The following SOX6 variants were observed in gnomAD, a reference collection of about 807,000 sequenced individuals.
SOX6 encodes the protein SRY-box transcription factor 6.
SOX6 carries 11 observed loss-of-function variants against 97.8 expected under a neutral mutation model. That is an observed-to-expected ratio of 0.11 (90% CI 0.07 to 0.19). The LOEUF (loss-of-function observed/expected upper bound fraction) is 0.19, where lower values mean the gene tolerates loss of function less well. Among genes scored for constraint, SOX6 ranks in the 10% least tolerant of loss-of-function variants. The pLI is 1.00. For synonymous variants in SOX6, 360 were observed against 371.4 expected, an observed-to-expected ratio of 0.97 and a Z score of 0.35; for missense variants, 810 against 1,039.5, an observed-to-expected ratio of 0.78 and a Z score of 3.04.
chr11:16,380,650 G>T (rs566238214), intron 1 of SOX6, among the ~76,000 whole-genome samples: 1 of 151,960 alleles, frequency 6.6e-6, no homozygotes, highest in African/African-American at 2.4e-5. Flanking sequence ...ACTTATTGGT[G>T]TATTCTATCC....
At chr11:16,153,486 G>C (rs1850513601) in intron 6 of SOX6, among the ~76,000 whole-genome samples, 1 of 152,074 alleles carries the variant, frequency 6.6e-6, no homozygotes, top group Non-Finnish European at 1.5e-5. Flanking sequence ...CCTCTGATAG[G>C]ACTGGTTAGA....
intron 3 of SOX6, among the ~76,000 whole-genome samples, chr11:16,666,378 A>C (rs1847807013): frequency 6.6e-6 from 1 of 152,252 alleles, no homozygotes; most frequent in Admixed American, 6.5e-5. Flanking sequence ...GATTGAAATA[A>C]TTTAAAAGAA....
chr11:16,721,886 A>C (rs973895712), intron 2 of SOX6, among the ~76,000 whole-genome samples: 3 of 151,952 alleles, frequency 2.0e-5, no homozygotes, highest in African/African-American at 7.3e-5. Flanking sequence ...ATAAGGCTGC[A>C]CATCTACAAC....
intron 12 of SOX6, among the ~76,000 whole-genome samples, chr11:16,027,778 G>A (rs1427767979): frequency 1.3e-5 from 2 of 152,196 alleles, no homozygotes; most frequent in Non-Finnish European, 1.5e-5. Context: ...GTGGGAACAC[G>A]TACATGCTCA....
chr11:16,547,109 AT>A (rs768313757), intron 4 of SOX6, among the ~76,000 whole-genome samples: 13 of 152,306 alleles, frequency 8.5e-5, no homozygotes, highest in South Asian at 4.1e-4. Flanking sequence ...AAGACAAAAA[AT>A]AACAGATGAT....
At chr11:16,257,032 T>C (rs1853713075) in intron 3 of SOX6, among the ~76,000 whole-genome samples, 1 of 151,816 alleles carries the variant, frequency 6.6e-6, no homozygotes, top group African/African-American at 2.4e-5. Context: ...TGAAGAAAAC[T>C]ATAAAATCCT....
chr11:16,185,584 C>T (rs1394038122), intron 5 of SOX6, among the ~76,000 whole-genome samples: 2 of 152,108 alleles, frequency 1.3e-5, no homozygotes, highest in African/African-American at 2.4e-5. Flanking sequence ...GCTACATGCT[C>T]GCTTCATTGA....
At chr11:16,381,775 C>T (rs916941248) in intron 1 of SOX6, among the ~76,000 whole-genome samples, 11 of 151,818 alleles carry the variant, frequency 7.2e-5, no homozygotes, top group Admixed American at 5.3e-4. Context: ...CTTCTTATTC[C>T]CCCACTCCCT....
intron 10 of SOX6, among the ~76,000 whole-genome samples, chr11:16,053,353 A>C (rs967707686): frequency 3.9e-5 from 6 of 152,122 alleles, no homozygotes; most frequent in African/African-American, 1.4e-4. Context: ...CATAGTTGAC[A>C]ATGGAAATCC....
In SOX6 at chr11:16,605,331, C is replaced by G. The variant is rs1441509360; in HGVS notation, n.609+6750G>C. On this transcript the variant is annotated intron_variant and non_coding_transcript_variant, in intron 4 of 5. Transcript: ENST00000524520. This position sits in a 1 kb window ranked among gnomAD's most constrained non-coding sequence, Gnocchi z 5.3. ...GCGGGGCTGAACTACCCCTCGCCCC[C>G]GCTCCCGCCAGGTCAGGCACCACTG... is the stretch of plus-strand genomic sequence containing the variant. Among the ~76,000 whole-genome samples, 3 of 152,296 alleles carry G rather than the reference C, an allele frequency of 2.0e-5. No homozygotes were observed. The highest frequency in any genetic ancestry group is 6.5e-5 in the Admixed American group (1 of 15,312).
At chr11:16,158,631 G>A (rs1850663738) in intron 6 of SOX6, among the ~76,000 whole-genome samples, 2 of 151,900 alleles carry the variant, frequency 1.3e-5, no homozygotes, top group South Asian at 4.1e-4. Flanking sequence ...GCTTCCAGGA[G>A]TAATAAAAAA....
chr11:16,560,544 T>TACATATGTTTATACGTAC (rs1565180658), intron 4 of SOX6, among the ~76,000 whole-genome samples: 78 of 85,490 alleles, frequency 9.1e-4, no homozygotes, highest in Admixed American at 3.9e-3. Flanking sequence ...TGTTTATACG[T>TACATATGTTTATACGTAC]ACATATGTTT....
At chr11:16,464,158 C>T (rs1441898198) in intron 1 of SOX6, among the ~76,000 whole-genome samples, 1 of 152,150 alleles carries the variant, frequency 6.6e-6, no homozygotes, top group Non-Finnish European at 1.5e-5. Context: ...TAAAATTTCA[C>T]AAATCCCAAT....
intron 6 of SOX6, among the ~76,000 whole-genome samples, chr11:16,127,776 G>A (rs1226404497): frequency 1.3e-5 from 2 of 152,018 alleles, no homozygotes; most frequent in Non-Finnish European, 2.9e-5. Context: ...GAATCCATGG[G>A]GTCTCCCTCA....
chr11:16,360,822 T>C (rs1402138620), upstream of SOX6, among the ~76,000 whole-genome samples: 1 of 151,900 alleles, frequency 6.6e-6, no homozygotes, highest in African/African-American at 2.4e-5. Context: ...GCTAACATGG[T>C]GAAACCCCGT....
chr11:16,327,952 T>A (rs1856152006), intron 2 of SOX6, among the ~76,000 whole-genome samples: 1 of 152,152 alleles, frequency 6.6e-6, no homozygotes, highest in African/African-American at 2.4e-5. Context: ...CTTTCCTGTA[T>A]CCAGTAGCAA....
At chr11:16,111,984 G>T (rs981045514) in intron 6 of SOX6, 61 bp from the exon 7 acceptor site, 2 of 1,606,284 alleles carry the variant, frequency 1.2e-6, no homozygotes, top group East Asian at 2.2e-5. Context: ...AGAAGAATTT[G>T]TTTTTCACTC....
At chr11:16,521,323 G>C (rs561228526) in intron 4 of SOX6, among the ~76,000 whole-genome samples, 1 of 152,228 alleles carries the variant, frequency 6.6e-6, no homozygotes, top group African/African-American at 2.4e-5. Flanking sequence ...CGCGATTCAC[G>C]AAAATCCACT....
chr11:16,711,350 G>A (rs1314762790), intron 3 of SOX6, among the ~76,000 whole-genome samples: 3 of 152,040 alleles, frequency 2.0e-5, no homozygotes, highest in Non-Finnish European at 4.4e-5. Flanking sequence ...GCAACATGAG[G>A]AAACCCCGTC....
Sources: gnomAD v4.1 joint callset for allele counts (sites outside exome capture counted in the v4.1 genomes callset) on GRCh38, gnomAD v4.1.1 for gene constraint, Gnocchi (gnomAD v3.1) non-coding constraint, MANE v1.5 for transcripts, NCBI Gene and HGNC (gene_info 2026-07-23, HGNC 2026-07-21) for gene names.